JARID2: variants seen among roughly 807,000 people sequenced by gnomAD.
JARID2 encodes the protein protein Jumonji.
A neutral mutation model predicts 125.6 loss-of-function variants in JARID2; 21 were observed. The ratio of observed to expected loss-of-function variants is 0.17; its 90% CI spans 0.12 to 0.24. The LOEUF (loss-of-function observed/expected upper bound fraction) is 0.24, where lower values mean the gene tolerates loss of function less well. Ranked by LOEUF, JARID2 falls within the 10% of genes least tolerant of loss-of-function variation. JARID2 has a pLI of 1.00. For missense variants in JARID2, 1,303 were observed against 1,639.6 expected (o/e 0.79, Z 3.55); for synonymous variants, 736 against 661.6 (o/e 1.11, Z -1.73).
At chr6:15,454,327 T>C (rs1306482873) in intron 4 of JARID2, among the ~76,000 whole-genome samples, 4 of 152,190 alleles carry the variant, frequency 2.6e-5, no homozygotes, top group African/African-American at 9.7e-5. Flanking sequence ...GGATAGTTCT[T>C]GGTGATTCTT....
intron 2 of JARID2, among the ~76,000 whole-genome samples, chr6:15,390,263 G>A (rs1037934453): frequency 2.6e-5 from 4 of 152,246 alleles, no homozygotes; most frequent in African/African-American, 9.6e-5. Context: ...TGAGCTGTCT[G>A]ACTGCAGAGC....
intron 16 of JARID2, among the ~76,000 whole-genome samples, chr6:15,514,892 C>T (rs1256361921): frequency 5.9e-5 from 9 of 152,212 alleles, no homozygotes; most frequent in African/African-American, 1.4e-4. Context: ...AGATTTCCTT[C>T]TGTCTGGTTT....
rs531140603 is a variant in JARID2 at position 15,255,591 on chromosome 6, C to T, written c.45+9007C>T. On this transcript the variant is annotated intron_variant, in intron 1 of 17. Transcript: ENST00000341776. ...TGGTTCTGTCTCCATTATTTCCCAG[C>T]CACCATTTTGGTGAGAGCTTGGTCT... Among the ~76,000 whole-genome samples the T allele has an allele frequency of 3.9e-5, 6 of 152,214 alleles. No homozygotes were observed. The East Asian group carries it at 1.2e-3, about 29-fold the overall frequency.
At position 15,449,073 on chromosome 6, in the gene JARID2, C is replaced by T. The variant is rs115077865; in HGVS notation, c.324-2933C>T. ...GTGATAGATGAAGCTCTGTGATTGT[C>T]GGAATATCCCCGTCACCCTAACTGC... is the stretch of plus-strand genomic sequence containing the variant. On this transcript the variant is annotated intron_variant, in intron 3 of 17. Transcript: ENST00000341776. 7.3e-3 allele frequency among the ~76,000 whole-genome samples: 1,111 copies of T among 152,098 alleles called. 16 individuals are homozygous for T. The highest frequency in any genetic ancestry group is 0.025 in the African/African-American group (1,038 of 41,462).
intron 3 of JARID2, among the ~76,000 whole-genome samples, chr6:15,429,151 C>A (rs544929404): frequency 5.9e-5 from 9 of 152,210 alleles, no homozygotes; most frequent in African/African-American, 1.7e-4. Flanking sequence ...ATCTTTGTAT[C>A]CCCAATGGTG....
At position 15,371,806 on chromosome 6, in the gene JARID2, C is replaced by T. The variant is rs191321816; in HGVS notation, c.46-2311C>T. Among the ~76,000 whole-genome samples, 108 of 152,304 alleles carry T rather than the reference C, an allele frequency of 7.1e-4. 1 individual carries two copies. The highest frequency in any genetic ancestry group is 2.6e-3 in the African/African-American group (106 of 41,566). The stretch of plus-strand genomic sequence containing the variant: ...GCTGGCTTCTCTTAGCCTTCATGTC[C>T]GAACCCTGACCCCGTACCGTGGTCT... On this transcript the variant is annotated intron_variant, in intron 1 of 17. Transcript: ENST00000341776.
Position 15,441,680 on chromosome 6 carries a change from T to G in JARID2, c.324-10326T>G, listed in dbSNP as rs1767451134. 1.3e-5 allele frequency among the ~76,000 whole-genome samples: 2 copies of G among 152,182 alleles called. 1 individual carries two copies. Among genetic ancestry groups the G allele is most frequent in the South Asian group, 4.2e-4 (2 of 4,804 alleles). On this transcript the variant is annotated intron_variant, in intron 3 of 17. Transcript: ENST00000341776. ...GTCTGTCGTGTGCTGAATGGATGGT[T>G]AGGACCTCACCTACCGCACAACTCC...
intron 6 of JARID2, among the ~76,000 whole-genome samples, chr6:15,488,406 G>C (rs1454064043): frequency 6.6e-6 from 1 of 152,186 alleles, no homozygotes; most frequent in Admixed American, 6.5e-5. Flanking sequence ...TTTAACATCC[G>C]CTAAGTCATG....
rs1435605051 is a variant in JARID2, at chr6:15,254,059, TGGAA to T, written c.45+7478_45+7481del. 4.6e-5 allele frequency among the ~76,000 whole-genome samples: 7 copies of T among 152,162 alleles called. No individual in the cohort carries two copies. The East Asian group carries it at 1.3e-3, about 29-fold the overall frequency. On this transcript the variant is annotated intron_variant, in intron 1 of 17. Transcript: ENST00000341776. ...GGAGAGGCTTTTTGCTTGGGAAAGT[TGGAA>T]GGGAGGGCAGTTTTGTCAGAAGTGT... is the stretch of plus-strand genomic sequence containing the variant.
intron 1 of JARID2, among the ~76,000 whole-genome samples, chr6:15,303,101 C>T (rs1761693514): frequency 6.6e-6 from 1 of 152,118 alleles, no homozygotes; most frequent in African/African-American, 2.4e-5. Context: ...GAAGTTATGC[C>T]AGGAATTATA....
intron 3 of JARID2, among the ~76,000 whole-genome samples, chr6:15,411,288 G>C (rs1361021903): frequency 1.3e-5 from 2 of 152,200 alleles, no homozygotes; most frequent in Non-Finnish European, 2.9e-5. Context: ...GAACAGAATA[G>C]AGTGAAAAAT....
intron 1 of JARID2, among the ~76,000 whole-genome samples, chr6:15,259,523 A>G (rs1037724137): frequency 1.3e-4 from 20 of 152,260 alleles, no homozygotes; most frequent in South Asian, 2.1e-4. Flanking sequence ...CTCCTTCTCA[A>G]ACTGATGATT....
chr6:15,354,008 AG>A lies in JARID2; in HGVS notation c.46-20108del, dbSNP rs544155768. 2.4e-4 allele frequency among the ~76,000 whole-genome samples: 37 copies of A among 152,348 alleles called. 1 individual carries two copies. In the East Asian group the frequency reaches 6.9e-3, roughly 29 times the overall value. ...CAGCACATCCCTGTATAGCCTTTTC[AG>A]AGTTCAGCATGAGGTGTATTTCAAT... On this transcript the variant is annotated intron_variant, in intron 1 of 17. Transcript: ENST00000341776.
intron 4 of JARID2, among the ~76,000 whole-genome samples, chr6:15,454,194 C>T (rs573898526): frequency 5.3e-5 from 8 of 152,222 alleles, no homozygotes; most frequent in South Asian, 2.1e-4. Context: ...GCTGCCCCCA[C>T]GATGGGAAAC....
intron 4 of JARID2, among the ~76,000 whole-genome samples, chr6:15,456,878 C>T (rs200753758): frequency 8.8e-4 from 84 of 95,658 alleles, no homozygotes; most frequent in Middle Eastern, 8.1e-3. Flanking sequence ...GGATGTTAAG[C>T]TTTTTTTTTT....
chr6:15,518,183 G>T (rs902320214), intron 17 of JARID2, among the ~76,000 whole-genome samples: 1 of 152,224 alleles, frequency 6.6e-6, no homozygotes. Flanking sequence ...AAGCCTTTGC[G>T]GCTGAGCACG....
intron 1 of JARID2, among the ~76,000 whole-genome samples, chr6:15,331,298 C>T (rs1002908898): frequency 6.6e-6 from 1 of 151,304 alleles, no homozygotes; most frequent in African/African-American, 2.4e-5. Flanking sequence ...TGCACCACTG[C>T]ACTCCAGCCT....
In JARID2 at chr6:15,520,576, TG is replaced by T. The variant is rs1330177179; in HGVS notation, c.*331del. On this transcript the variant is annotated 3_prime_UTR_variant, in exon 18 of 18. Transcript: ENST00000341776. The stretch of plus-strand genomic sequence containing the variant: ...TTGATTTTTTTTTTTTTGTAACTGT[TG>T]GGGGGAAAAAGGCTTTTTAACCCAT... The T allele has an allele frequency of 1.7e-5, 5 of 297,528 alleles. No individual in the cohort carries two copies. The highest frequency in any genetic ancestry group is 9.3e-5 in the South Asian group (3 of 32,232). The allele number at this position is 297,528 out of a possible 1,614,324, so 18.4% of individuals were successfully genotyped here.
chr6:15,411,199 C>T (rs1581521248), intron 3 of JARID2, among the ~76,000 whole-genome samples: 1 of 152,118 alleles, frequency 6.6e-6, no homozygotes, highest in African/African-American at 2.4e-5. Context: ...AAAAAAATCC[C>T]CCTTGTCAGT....
Sources: allele counts gnomAD v4.1 joint callset (sites outside exome capture counted in the v4.1 genomes callset), GRCh38; gene constraint gnomAD v4.1.1; transcripts MANE v1.5; gene names NCBI Gene and HGNC (gene_info 2026-07-23, HGNC 2026-07-21).